The following VCP variants were observed in gnomAD, a reference collection of about 807,000 sequenced individuals.
VCP encodes the protein transitional endoplasmic reticulum ATPase.
A neutral mutation model predicts 85.7 loss-of-function variants in VCP; 6 were observed. That is an observed-to-expected ratio of 0.07 (90% confidence interval 0.04 to 0.14). The LOEUF (loss-of-function observed/expected upper bound fraction) is 0.14. VCP is among the 10% of genes least tolerant of loss of function. The pLI is 1.00. For synonymous variants in VCP, 384 were observed against 367.1 expected, an observed-to-expected ratio of 1.05 and a Z score of -0.53; for missense variants, 353 against 1,043.4, an observed-to-expected ratio of 0.34 and a Z score of 9.12.
intron 1 of VCP, 49 bp from the exon 2 acceptor site, chr9:35,068,411 G>T (rs777277316): frequency 6.7e-7 from 1 of 1,496,202 alleles, no homozygotes; most frequent in Non-Finnish European, 9.3e-7. Flanking sequence ...CAAGCGCCTC[G>T]CCAGTCTCTA....
rs777846897 is a variant in VCP, at chr9:35,068,371, AG to A, written c.18-10del. The A allele has an allele frequency of 3.1e-6, 5 of 1,612,700 alleles. No individual in the cohort carries two copies. The African/African-American group carries it at 5.3e-5, about 17-fold the overall frequency. ...GGTCATCACCTTTTGAACTAGAAGGAGGAAATGGAGTCAGTAGATACTCCTG... is the reference window on the plus strand; with the variant it reads ...GGTCATCACCTTTTGAACTAGAAGGAGAAATGGAGTCAGTAGATACTCCTG... On this transcript the variant is annotated splice_polypyrimidine_tract_variant and intron_variant, in intron 1 of 16. Transcript: ENST00000358901.
chr9:35,072,219 C>T (rs1372723076), intron 1 of VCP, 118 bp downstream of exon 1: 14 of 1,455,570 alleles, frequency 9.6e-6, no homozygotes, highest in South Asian at 2.5e-5. Context: ...GCTTCCCTTC[C>T]CTCTTTCCTG....
At chr9:35,063,159 G>T in intron 6 of VCP, 79 bp from the exon 7 acceptor site, 1 of 1,300,648 alleles carries the variant, frequency 7.7e-7, no homozygotes, top group Non-Finnish European at 1.1e-6. Flanking sequence ...CTCCAGAGAG[G>T]GTGAGAATCA....
chr9:35,059,984 T>A lies in VCP; in HGVS notation c.1696-183A>T. The A allele has an allele frequency of 1.3e-6, 1 of 776,394 alleles. No individual in the cohort carries two copies. Among genetic ancestry groups the A allele is most frequent in the Non-Finnish European group, 2.0e-6 (1 of 491,364 alleles). The allele number at this position is 776,394 out of a possible 1,614,324, so 48.1% of individuals were successfully genotyped here. ...TTTGTCTCTACAAAAAATAAAAAAT[T>A]AGCCAGATGTGGTGACGCATGCCTA... On this transcript the variant is annotated intron_variant, in intron 13 of 16. Transcript: ENST00000358901. This position sits in a 1 kb window ranked among gnomAD's most constrained non-coding sequence, Gnocchi z 4.9.
chr9:35,059,051 G>C lies in VCP; in HGVS notation c.2160+13C>G, dbSNP rs368358470. 1.9e-6 allele frequency: 3 copies of C among 1,613,516 alleles called. No individual in the cohort carries two copies. The African/African-American group carries it at 4.0e-5, about 22-fold the overall frequency. ...CCATGATTGGCACATCTGGGGAAAG[G>C]ATGCAGACTCACCATGGCTGATGGG... On this transcript the variant is annotated intron_variant, in intron 15 of 16. Transcript: ENST00000358901. The surrounding 1 kb of genome is among the most constrained non-coding windows in gnomAD (Gnocchi z 4.9).
rs1587116813 is a variant in VCP, at chr9:35,057,035, G to A, written c.*82C>T. 4 of 1,396,912 alleles carry A rather than the reference G, an allele frequency of 2.9e-6. No homozygotes were observed. The East Asian group carries it at 9.1e-5, about 32-fold the overall frequency. The allele number at this position is 1,396,912 out of a possible 1,614,324, so 86.5% of individuals were successfully genotyped here. ...TGGAGCAGGCTGTGGGCGCACCCCT[G>A]GTCCCTCTCCTGGGCAAGCGCCCCC... On this transcript the variant is annotated 3_prime_UTR_variant, in exon 17 of 17. Transcript: ENST00000358901.
chr9:35,061,738 G>GT, intron 9 of VCP, 49 bp from the exon 10 acceptor site: 1 of 1,511,704 alleles, frequency 6.6e-7, no homozygotes, highest in South Asian at 1.1e-5. Flanking sequence ...TAGTCCAGAG[G>GT]TAAGAGACAG....
Position 35,062,201 on chromosome 9 carries a change from TC to T in VCP, c.945+15del. 2.5e-6 allele frequency: 4 copies of T among 1,614,086 alleles called. No individual in the cohort carries two copies. The highest frequency in any genetic ancestry group is 3.4e-6 in the Non-Finnish European group (4 of 1,180,016). On this transcript the variant is annotated intron_variant, in intron 8 of 16. Transcript: ENST00000358901. ...GGCCTTTCAACCCCCCTCTATCCCC[TC>T]AGGTAAGCTCCTACTTTCTCTCTTT...
At position 35,072,393 on chromosome 9, in the gene VCP, G is replaced by C; in HGVS notation, c.-40C>G. ...CCGGCCGGCGGCTGTGGCGGCCCGC[G>C]GGTAACGGCTACGAGCGGTGGCAAG... On this transcript the variant is annotated 5_prime_UTR_variant, in exon 1 of 17. Transcript: ENST00000358901. 2 of 1,472,884 alleles carry C rather than the reference G, an allele frequency of 1.4e-6. No homozygotes were observed. Among genetic ancestry groups the C allele is most frequent in the Non-Finnish European group, 8.9e-7 (1 of 1,118,066 alleles). The allele number at this position is 1,472,884 out of a possible 1,614,324, so 91.2% of individuals were successfully genotyped here.
At chr9:35,060,181 A>T in intron 13 of VCP, 132 bp downstream of exon 13, 2 of 999,302 alleles carry the variant, frequency 2.0e-6, no homozygotes, top group African/African-American at 1.6e-5. Context: ...CAGACCTCAG[A>T]AAGAAAATCA....
In VCP at chr9:35,072,556, T is replaced by TGGCAGTGGCAGTGGCAGC. The variant is rs1828982238; in HGVS notation, c.-221_-204dup. On this transcript the variant is annotated 5_prime_UTR_variant, in exon 1 of 17. Transcript: ENST00000358901. ...CAACGCTGGCTCCTGATCCGCGAGG[T>TGGCAGTGGCAGTGGCAGC]GGCAGTGGCAGTGGCAGCGGCAGCG... 2 of 542,242 alleles carry TGGCAGTGGCAGTGGCAGC rather than the reference T, an allele frequency of 3.7e-6. No individual in the cohort carries two copies. The highest frequency in any genetic ancestry group is 3.1e-5 in the South Asian group (1 of 31,898). The allele number at this position is 542,242 out of a possible 1,614,324, so 33.6% of individuals were successfully genotyped here. A position where few individuals can be genotyped will look rare whatever the true frequency, so the allele number is the denominator to read the frequency against.
chr9:35,064,362 C>T (rs184862122), intron 5 of VCP, 77 bp from the exon 6 acceptor site: 3 of 1,590,438 alleles, frequency 1.9e-6, no homozygotes, highest in Non-Finnish European at 1.7e-6. Context: ...TAAATCATTC[C>T]ACTACCTAGT....
chr9:35,062,897 GA>G, intron 7 of VCP, 80 bp downstream of exon 7: 1 of 1,314,934 alleles, frequency 7.6e-7, no homozygotes, highest in South Asian at 1.2e-5. Flanking sequence ...GTGCAAAAAG[GA>G]TGTGTTCATA....
intron 6 of VCP, among the ~76,000 whole-genome samples, chr9:35,063,677 T>C (rs544493733): frequency 6.6e-6 from 1 of 152,246 alleles, no homozygotes; most frequent in African/African-American, 2.4e-5. Context: ...GTGTGTTCCA[T>C]GGAAACACTT....
At chr9:35,057,641 T>C (rs1449583138) in intron 15 of VCP, 111 bp from the exon 16 acceptor site, 3 of 1,401,850 alleles carry the variant, frequency 2.1e-6, no homozygotes, top group East Asian at 4.6e-5. Flanking sequence ...CAATCCAACC[T>C]GAGGTAAGAT....
In VCP at chr9:35,057,100, A is replaced by C. The variant is rs1409477186; in HGVS notation, c.*17T>G. ...AGGTCCAGGCAGGCCAGCTCACTGC[A>C]CGCTGGCCACCACCACTTAGCCATA... On this transcript the variant is annotated 3_prime_UTR_variant, in exon 17 of 17. Coordinates refer to ENST00000358901, the MANE Select transcript of VCP (RefSeq NM_007126.5). 4 of 1,611,324 alleles carry C rather than the reference A, an allele frequency of 2.5e-6. No individual in the cohort carries two copies. Among genetic ancestry groups the C allele is most frequent in the Admixed American group, 1.7e-5 (1 of 60,006 alleles).
chr9:35,056,434 T>A lies in VCP; in HGVS notation c.*683A>T, dbSNP rs1266700678. ...GGCAACAGGAGACATCATACCGATG[T>A]TGATCAGGAGAGGAAGAAGGTGCAA... On this transcript the variant is annotated 3_prime_UTR_variant, in exon 17 of 17. Coordinates refer to ENST00000358901, the MANE Select transcript of VCP (RefSeq NM_007126.5). 4 of 155,992 alleles carry A rather than the reference T, an allele frequency of 2.6e-5. No homozygotes were observed. Among genetic ancestry groups the A allele is most frequent in the Non-Finnish European group, 5.7e-5 (4 of 70,208 alleles). 9.7% of individuals were successfully genotyped at this position (155,992 alleles called of 1,614,324 possible).
At chr9:35,061,553 G>A (rs778545123) in intron 10 of VCP, 24 bp downstream of exon 10, 2 of 1,603,636 alleles carry the variant, frequency 1.2e-6, no homozygotes, top group Non-Finnish European at 1.7e-6. Flanking sequence ...TGTAACGCCT[G>A]GTCAGCCATC....
chr9:35,065,390 G>A lies in VCP; in HGVS notation c.446-9C>T. 1.2e-6 allele frequency: 2 copies of A among 1,614,100 alleles called. No individual in the cohort carries two copies. The highest frequency in any genetic ancestry group is 8.5e-7 in the Non-Finnish European group (1 of 1,179,986). On this transcript the variant is annotated splice_polypyrimidine_tract_variant and intron_variant, in intron 4 of 16. Coordinates refer to ENST00000358901, the MANE Select transcript of VCP (RefSeq NM_007126.5). ...GACAAGAAAAATGTCTCCTGCGAGA[G>A]CAAACAGTACAAGCACAGTTAGAGG...
Sources: allele counts gnomAD v4.1 joint callset (sites outside exome capture counted in the v4.1 genomes callset), GRCh38; gene constraint gnomAD v4.1.1; non-coding constraint Gnocchi (gnomAD v3.1); transcripts MANE v1.5; gene names NCBI Gene and HGNC (gene_info 2026-07-23, HGNC 2026-07-21).